Variants in TMEM196 observed in about 807,000 individuals in gnomAD.
The protein encoded by TMEM196 is transmembrane protein 196.
A neutral mutation model predicts 20.0 loss-of-function variants in TMEM196; 17 were observed. The observed-to-expected ratio is 0.85, with a 90% CI of 0.58 to 1.27. TMEM196 has a LOEUF of 1.27. Ranked by LOEUF, TMEM196 falls within the 50% of genes most tolerant of loss-of-function variation. The pLI is 0.00. For synonymous variants in TMEM196, 113 were observed against 88.9 expected, an observed-to-expected ratio of 1.27 and a Z score of -1.52; for missense variants, 267 against 223.0, an observed-to-expected ratio of 1.20 and a Z score of -1.26.
chr7:19,768,936 G>A (rs987613800), intron 1 of TMEM196, among the ~76,000 whole-genome samples: 1 of 151,492 alleles, frequency 6.6e-6, no homozygotes, highest in Non-Finnish European at 1.5e-5. Context: ...TTCCATATTC[G>A]GGGCCAAAAA....
At chr7:19,771,091 T>G (rs1785857051) in intron 1 of TMEM196, among the ~76,000 whole-genome samples, 1 of 152,156 alleles carries the variant, frequency 6.6e-6, no homozygotes, top group African/African-American at 2.4e-5. Context: ...AAAGCGTTAT[T>G]TCTGTTTATA....
intron 1 of TMEM196, among the ~76,000 whole-genome samples, chr7:19,750,838 T>C (rs1784933512): frequency 6.6e-6 from 1 of 152,224 alleles, no homozygotes; most frequent in Admixed American, 6.5e-5. Context: ...TCATATATTA[T>C]ATCTTTTAAA....
intron 1 of TMEM196, among the ~76,000 whole-genome samples, chr7:19,758,722 A>C (rs995349805): frequency 5.3e-5 from 8 of 152,350 alleles, no homozygotes; most frequent in African/African-American, 1.7e-4. Flanking sequence ...ACACGTACTC[A>C]GAATTCTATC....
chr7:19,725,139 C>A (rs1783947238), intron 3 of TMEM196, among the ~76,000 whole-genome samples: 1 of 152,128 alleles, frequency 6.6e-6, no homozygotes. Context: ...CTTAATAGAA[C>A]AAGGGAAGAG....
intron 3 of TMEM196, among the ~76,000 whole-genome samples, chr7:19,725,012 A>G (rs1783942417): frequency 6.6e-6 from 1 of 152,248 alleles, no homozygotes; most frequent in African/African-American, 2.4e-5. Context: ...TTAGATGAGA[A>G]TTAAATGAAG....
intron 4 of TMEM196, among the ~76,000 whole-genome samples, chr7:19,722,410 C>T (rs1025911029): frequency 1.3e-5 from 2 of 152,084 alleles, no homozygotes; most frequent in African/African-American, 4.8e-5. Context: ...TTTCTTTCTT[C>T]AACTCAATTT....
intron 1 of TMEM196, among the ~76,000 whole-genome samples, chr7:19,735,051 G>A (rs74476694): frequency 0.016 from 2,401 of 152,136 alleles, 145 homozygotes; most frequent in Admixed American, 0.1. Context: ...GTGTTGAGTG[G>A]GAGTACAGAT....
chr7:19,757,566 A>C (rs1785270043), intron 1 of TMEM196, among the ~76,000 whole-genome samples: 1 of 151,728 alleles, frequency 6.6e-6, no homozygotes, highest in Admixed American at 6.6e-5. Context: ...GTATTTTTTA[A>C]ACCCTCATGT....
At chr7:19,756,306 A>G (rs1035810247) in intron 1 of TMEM196, among the ~76,000 whole-genome samples, 1 of 151,962 alleles carries the variant, frequency 6.6e-6, no homozygotes, top group Admixed American at 6.6e-5. Context: ...TCTTTTTTCC[A>G]TACTCAGTCT....
chr7:19,732,696 C>T (rs2128017965), intron 1 of TMEM196, among the ~76,000 whole-genome samples: 1 of 151,476 alleles, frequency 6.6e-6, no homozygotes, highest in Non-Finnish European at 1.5e-5. Context: ...CAATGAATAC[C>T]TACTCACCTA....
At chr7:19,758,599 T>TA (rs1252604005) in intron 1 of TMEM196, among the ~76,000 whole-genome samples, 1 of 152,252 alleles carries the variant, frequency 6.6e-6, no homozygotes, top group East Asian at 1.9e-4. Flanking sequence ...TTTACTTATT[T>TA]GTGAAATGAT....
intron 1 of TMEM196, among the ~76,000 whole-genome samples, chr7:19,760,766 G>T (rs564946815): frequency 1.1e-4 from 16 of 152,168 alleles, no homozygotes; most frequent in African/African-American, 3.4e-4. Context: ...AGGGATTATG[G>T]TTATTTTATT....
chr7:19,727,281 A>G (rs1412938957), intron 2 of TMEM196, among the ~76,000 whole-genome samples: 1 of 152,158 alleles, frequency 6.6e-6, no homozygotes, highest in Non-Finnish European at 1.5e-5. Context: ...AGAAAGGGAT[A>G]CATGTGTTGC....
intron 1 of TMEM196, among the ~76,000 whole-genome samples, chr7:19,742,800 A>G (rs1279187932): frequency 6.6e-6 from 1 of 152,140 alleles, no homozygotes; most frequent in Non-Finnish European, 1.5e-5. Context: ...CTTTTTAGAA[A>G]TGCAGACTCA....
intron 1 of TMEM196, among the ~76,000 whole-genome samples, chr7:19,764,970 A>G (rs928915483): frequency 6.6e-6 from 1 of 152,188 alleles, no homozygotes; most frequent in Admixed American, 6.5e-5. Context: ...CACAATAGAA[A>G]AAGTATAGAC....
In TMEM196 at chr7:19,720,754, G is replaced by T. The variant is rs1261889701; in HGVS notation, c.*1374C>A. 1.3e-5 allele frequency: 2 copies of T among 151,748 alleles called. No homozygotes were observed. Among genetic ancestry groups the T allele is most frequent in the Non-Finnish European group, 1.5e-5 (1 of 67,750 alleles). 9.4% of individuals were successfully genotyped at this position (151,748 alleles called of 1,614,324 possible). On this transcript the variant is annotated 3_prime_UTR_variant, in exon 5 of 5. Transcript: ENST00000405844. ...CTTTTTCCTCAAAGAATTCTTTCAGGATCTTTGGATATAGGCTTTCTTATA... is the reference window on the plus strand; with the variant it reads ...CTTTTTCCTCAAAGAATTCTTTCAGTATCTTTGGATATAGGCTTTCTTATA...
intron 1 of TMEM196, among the ~76,000 whole-genome samples, chr7:19,765,605 C>A (rs942872428): frequency 6.6e-6 from 1 of 151,992 alleles, no homozygotes; most frequent in Admixed American, 6.6e-5. Context: ...TAATGGTCAC[C>A]ATATTCACAC....
chr7:19,755,478 T>A (rs1489608438), intron 1 of TMEM196, among the ~76,000 whole-genome samples: 1 of 152,212 alleles, frequency 6.6e-6, no homozygotes, highest in Non-Finnish European at 1.5e-5. Flanking sequence ...TGCCAGATTA[T>A]ACTATACTTG....
chr7:19,725,680 G>A lies in TMEM196; in HGVS notation c.293C>T (p.Ser98Phe), dbSNP rs753809570. The A allele has an allele frequency of 6.2e-7, 1 of 1,613,808 alleles. No homozygotes were observed. The highest frequency in any genetic ancestry group is 8.5e-7 in the Non-Finnish European group (1 of 1,179,838). The change falls in exon 3 of 5, where the codon TCC becomes TTC. Residue 98 changes from serine to phenylalanine, a missense_variant. Physicochemically the swap from Ser to Phe is radical, Grantham distance 155 (BLOSUM62 -2). Coordinates refer to ENST00000405844, the MANE Select transcript of TMEM196 (RefSeq NM_001363562.2). ...GGCAAGGTGCAGTGGGTATAGGGAGGAAGTTTTCTTTGTGACTGCCCGGAG... is the reference window on the plus strand; with the variant it reads ...GGCAAGGTGCAGTGGGTATAGGGAGAAAGTTTTCTTTGTGACTGCCCGGAG... ...QFLRAVTKKT[S>F]SLYPLHLASM...
Sources: allele counts gnomAD v4.1 joint callset (sites outside exome capture counted in the v4.1 genomes callset), GRCh38; gene constraint gnomAD v4.1.1; transcripts MANE v1.5; gene names NCBI Gene and HGNC (gene_info 2026-07-23, HGNC 2026-07-21).